The following ZNF280D variants were observed in gnomAD, a reference collection of about 807,000 sequenced individuals.
ZNF280D encodes the protein suppressor of hairy wing homolog 4.
A neutral mutation model predicts 94.7 loss-of-function variants in ZNF280D; 39 were observed. That is an observed-to-expected ratio of 0.41 (90% CI 0.32 to 0.54). The LOEUF (loss-of-function observed/expected upper bound fraction) is 0.54, where lower values mean the gene tolerates loss of function less well. Ranked by LOEUF, ZNF280D falls within the 20% of genes least tolerant of loss-of-function variation. ZNF280D has a pLI of 0.22. For synonymous variants in ZNF280D, 398 were observed against 377.6 expected (o/e 1.05, Z -0.63); for missense variants, 1,090 against 1,149.3 (o/e 0.95, Z 0.75).
intron 6 of ZNF280D, chr15:56,698,566 T>A (rs1433801030): frequency 6.6e-6 from 1 of 152,210 alleles, no homozygotes; most frequent in Non-Finnish European, 1.5e-5. Flanking sequence ...TCATTACCCA[T>A]AATCCCCAGG....
chr15:56,684,404 A>G (rs1342216040), intron 9 of ZNF280D, among the ~76,000 whole-genome samples: 2 of 152,224 alleles, frequency 1.3e-5, no homozygotes, highest in African/African-American at 4.8e-5. Flanking sequence ...TGAAAACAGT[A>G]GCCACAAATT....
At chr15:56,647,395 T>C (rs922156906) in intron 19 of ZNF280D, among the ~76,000 whole-genome samples, 1 of 152,266 alleles carries the variant, frequency 6.6e-6, no homozygotes, top group African/African-American at 2.4e-5. Context: ...GAGAAAGCAT[T>C]CTTTGAGGGA....
intron 7 of ZNF280D, among the ~76,000 whole-genome samples, chr15:56,689,750 C>T (rs1232550795): frequency 6.6e-6 from 1 of 150,984 alleles, no homozygotes; most frequent in African/African-American, 2.4e-5. Context: ...ATAGCTATCA[C>T]AAAGGGAGCC....
chr15:56,660,555 A>T (rs996276292), intron 16 of ZNF280D, among the ~76,000 whole-genome samples: 4 of 152,136 alleles, frequency 2.6e-5, no homozygotes, highest in African/African-American at 9.7e-5. Flanking sequence ...CACACATAAA[A>T]AGGAAAAAAA....
chr15:56,679,106 AT>A (rs2055443075), intron 10 of ZNF280D, among the ~76,000 whole-genome samples: 6 of 152,132 alleles, frequency 3.9e-5, no homozygotes, highest in Admixed American at 3.9e-4. Flanking sequence ...TATTTAAAAA[AT>A]TTTTTTAGAT....
intron 7 of ZNF280D, among the ~76,000 whole-genome samples, chr15:56,691,633 G>T (rs1419172300): frequency 6.6e-6 from 1 of 152,076 alleles, no homozygotes; most frequent in African/African-American, 2.4e-5. Flanking sequence ...TCTCATTCAA[G>T]ATTTAGCTCA....
intron 1 of ZNF280D, chr15:56,732,528 T>G (rs1388803006): frequency 6.6e-6 from 1 of 152,176 alleles, no homozygotes; most frequent in African/African-American, 2.4e-5. Flanking sequence ...TAGCGTTCCA[T>G]TTTATGTTTC....
intron 9 of ZNF280D, among the ~76,000 whole-genome samples, chr15:56,685,584 A>G (rs2055948284): frequency 6.6e-6 from 1 of 152,220 alleles, no homozygotes; most frequent in Non-Finnish European, 1.5e-5. Context: ...AATATTGACT[A>G]AAATCAAGTA....
At position 56,666,937 on chromosome 15, in the gene ZNF280D, G is replaced by A. The variant is rs1596411769; in HGVS notation, c.1595C>T (p.Thr532Ile). 3 of 1,611,978 alleles carry A rather than the reference G, an allele frequency of 1.9e-6. No individual in the cohort carries two copies. Among genetic ancestry groups the A allele is most frequent in the Non-Finnish European group, 2.5e-6 (3 of 1,178,994 alleles). ...AGAAGCACTTGCACTAATGGAAGGT[G>A]TAGGTGAAGCTCCTGATTGCAGAGG... ...VGPLQSGASP[T>I]PSISASASTL... The change falls in exon 15 of 22, where the codon ACA becomes ATA. Residue 532 changes from threonine (T) to isoleucine (I), a missense_variant. By Grantham distance (89) the Thr-to-Ile change is moderately conservative (BLOSUM62 -1). Transcript: ENST00000267807.
chr15:56,731,788 C>T (rs2058905611), intron 1 of ZNF280D, among the ~76,000 whole-genome samples: 1 of 152,024 alleles, frequency 6.6e-6, no homozygotes, highest in African/African-American at 2.4e-5. Context: ...AAAAAGGTAG[C>T]GTTAAAACTA....
intron 14 of ZNF280D, 84 bp downstream of exon 14, chr15:56,668,739 A>C: frequency 2.4e-6 from 3 of 1,274,104 alleles, no homozygotes; most frequent in Non-Finnish European, 3.2e-6. Context: ...AAGTCATTTA[A>C]AAATACATTC....
chr15:56,693,026 G>A (rs1030067055), intron 7 of ZNF280D, 72 bp downstream of exon 7: 14 of 889,504 alleles, frequency 1.6e-5, no homozygotes, highest in Non-Finnish European at 2.0e-5. Context: ...CTTCAAAACA[G>A]AAAGTCAATC....
rs542061545 is a variant in ZNF280D at position 56,723,135 on chromosome 15, G to A, written c.-86+10323C>T. ...GGAGATACACCTACTGCTAGATGAC[G>A]AGTTAGTGGGTGCAGCACACCAGCA... On this transcript the variant is annotated intron_variant, in intron 1 of 21. Transcript: ENST00000267807. 1.1e-3 allele frequency among the ~76,000 whole-genome samples: 168 copies of A among 151,702 alleles called. 2 individuals carry two copies. The highest frequency in any genetic ancestry group is 3.7e-3 in the African/African-American group (153 of 41,280).
At chr15:56,636,146 T>C (rs1393583434) in intron 20 of ZNF280D, among the ~76,000 whole-genome samples, 2 of 152,146 alleles carry the variant, frequency 1.3e-5, no homozygotes, top group Admixed American at 6.5e-5. Context: ...ATATTTTTAC[T>C]CATAAAGATG....
chr15:56,709,947 T>C (rs1227273762), intron 1 of ZNF280D, among the ~76,000 whole-genome samples: 2 of 152,170 alleles, frequency 1.3e-5, no homozygotes, highest in East Asian at 1.9e-4. Flanking sequence ...ACATGGCACA[T>C]GTATACATAT....
intron 9 of ZNF280D, among the ~76,000 whole-genome samples, chr15:56,682,819 T>G (rs11071285): frequency 0.94 from 143,101 of 152,006 alleles, 67,615 homozygotes; most frequent in Middle Eastern, 1. Context: ...TCATCTCATG[T>G]CCACGTCAAG....
chr15:56,642,976 T>C lies in ZNF280D; in HGVS notation c.2235A>G (p.Ala745=). The part of the protein sequence containing the change: ...HLSELKKEAP[A]KEQEPVSKEI... ...CCTTAGACACAGGTTCTTGTTCCTT[T>C]GCGGGAGCTTCTTTTTTTAATCTTG... Residue 745 remains alanine (A), a synonymous_variant, in exon 20 of 22, where the codon GCA becomes GCG. Coordinates refer to ENST00000267807, the MANE Select transcript of ZNF280D (RefSeq NM_017661.4). 1 of 1,510,756 alleles carries C rather than the reference T, an allele frequency of 6.6e-7. No individual in the cohort carries two copies. The highest frequency in any genetic ancestry group is 1.3e-5 in the South Asian group (1 of 75,348). The allele number at this position is 1,510,756 out of a possible 1,614,324, so 93.6% of individuals were successfully genotyped here. A position where few individuals can be genotyped will look rare whatever the true frequency, so the allele number is the denominator to read the frequency against.
intron 9 of ZNF280D, among the ~76,000 whole-genome samples, chr15:56,684,557 T>C (rs537538277): frequency 1.4e-5 from 2 of 145,148 alleles, no homozygotes; most frequent in Non-Finnish European, 1.5e-5. Context: ...ATCAGAGACA[T>C]GAAGACAAAT....
In ZNF280D at chr15:56,642,967, T is replaced by C. The variant is rs2052702934; in HGVS notation, c.2244A>G (p.Gln748=). 6.6e-7 allele frequency: 1 copy of C among 1,511,162 alleles called. No homozygotes were observed. The highest frequency in any genetic ancestry group is 1.3e-5 in the South Asian group (1 of 75,282). The allele number at this position is 1,511,162 out of a possible 1,614,324, so 93.6% of individuals were successfully genotyped here. A position where few individuals can be genotyped will look rare whatever the true frequency, so the allele number is the denominator to read the frequency against. ...CAAACTTTACCTTAGACACAGGTTC[T>C]TGTTCCTTTGCGGGAGCTTCTTTTT... ...ELKKEAPAKE[Q]EPVSKEIARP... is the part of the protein sequence containing the mutation. The change falls in exon 20 of 22, where the codon CAA becomes CAG. Residue 748 remains glutamine, a synonymous_variant. Coordinates refer to ENST00000267807, the MANE Select transcript of ZNF280D (RefSeq NM_017661.4).
Sources: gnomAD v4.1 joint callset for allele counts (sites outside exome capture counted in the v4.1 genomes callset) on GRCh38, gnomAD v4.1.1 for gene constraint, MANE v1.5 for transcripts, NCBI Gene and HGNC (gene_info 2026-07-23, HGNC 2026-07-21) for gene names.